The following CDX1 variants were observed in gnomAD, a reference collection of about 807,000 sequenced individuals.
CDX1 encodes the protein caudal type homeobox 1, also known as homeobox protein CDX-1.
A neutral mutation model predicts 16.9 loss-of-function variants in CDX1; 9 were observed. That is an observed-to-expected ratio of 0.53 (90% confidence interval 0.32 to 0.93). The LOEUF (loss-of-function observed/expected upper bound fraction) is 0.93, where lower values mean the gene tolerates loss of function less well. CDX1 is among the 40% of genes least tolerant of loss of function. The probability of loss-of-function intolerance (pLI) is 0.04; values close to 1 mark genes in which losing one functional copy is unlikely to be tolerated. For missense variants in CDX1, 393 were observed against 386.1 expected, an observed-to-expected ratio of 1.02 and a Z score of -0.15; for synonymous variants, 179 against 179.0, an observed-to-expected ratio of 1.00 and a Z score of 0.00.
rs1364319889 is a variant in CDX1, at chr5:150,184,234, G to A, written c.*554G>A. 1 of 152,256 alleles carries A rather than the reference G, an allele frequency of 6.6e-6. No individual in the cohort carries two copies. Among genetic ancestry groups the A allele is most frequent in the East Asian group, 1.9e-4 (1 of 5,194 alleles). The allele number at this position is 152,256 out of a possible 1,614,324, so 9.4% of individuals were successfully genotyped here. A position where few individuals can be genotyped will look rare whatever the true frequency, so the allele number is the denominator to read the frequency against. Reference sequence around the variant, plus strand: ...AAAGCCCATAGCACTGGGCTCTGATGGCTGCTCCACTGGGTTACAGAATCA... The same window carrying A: ...AAAGCCCATAGCACTGGGCTCTGATAGCTGCTCCACTGGGTTACAGAATCA... On this transcript the variant is annotated 3_prime_UTR_variant, in exon 3 of 3. Transcript: ENST00000231656.
rs1288509536 is a variant in CDX1, at chr5:150,184,180, G to A, written c.*500G>A. 1 of 152,632 alleles carries A rather than the reference G, an allele frequency of 6.6e-6. No homozygotes were observed. Among genetic ancestry groups the A allele is most frequent in the Non-Finnish European group, 1.5e-5 (1 of 68,360 alleles). 9.5% of individuals were successfully genotyped at this position (152,632 alleles called of 1,614,324 possible). On this transcript the variant is annotated 3_prime_UTR_variant, in exon 3 of 3. Transcript: ENST00000231656. ...TACCTGCCCCCATCATAAGGGCACT[G>A]AGCCCTTCCCAGGCTGGATACTAAG...
rs1273217028 is a variant in CDX1 at position 150,183,608 on chromosome 5, C to T, written c.726C>T (p.Gly242=). The part of the protein sequence containing the change: ...TATPAGPSLG[G]LCPSNTSLLA... ...CCCCAGCCGGGCCATCCCTGGGGGG[C>T]CTGTGTCCCAGCAACACCAGCCTCC... Residue 242 remains glycine, a synonymous_variant, in exon 3 of 3, where the codon GGC becomes GGT. Transcript: ENST00000231656. 5.0e-6 allele frequency: 8 copies of T among 1,609,126 alleles called. No individual in the cohort carries two copies. The highest frequency in any genetic ancestry group is 6.8e-6 in the Non-Finnish European group (8 of 1,176,876).
chr5:150,177,935 T>A (rs141309872), intron 1 of CDX1, among the ~76,000 whole-genome samples: 180 of 151,944 alleles, frequency 1.2e-3, no homozygotes, highest in African/African-American at 4.2e-3. Context: ...CAGAGAAGGG[T>A]GACAAGGTCT....
intron 1 of CDX1, among the ~76,000 whole-genome samples, chr5:150,181,202 C>T (rs377468859): frequency 2.0e-5 from 3 of 152,204 alleles, no homozygotes; most frequent in African/African-American, 7.2e-5. Flanking sequence ...TGCCCCACCT[C>T]GGGGCCTTTG....
chr5:150,176,143 G>A (rs527444335), intron 1 of CDX1, among the ~76,000 whole-genome samples: 2 of 152,188 alleles, frequency 1.3e-5, no homozygotes, highest in East Asian at 3.9e-4. Context: ...TACAATTTAG[G>A]CCCCTCACCA....
At chr5:150,177,760 G>T (rs988154660) in intron 1 of CDX1, among the ~76,000 whole-genome samples, 1 of 152,190 alleles carries the variant, frequency 6.6e-6, no homozygotes, top group Non-Finnish European at 1.5e-5. Flanking sequence ...GAGGTGGGGA[G>T]ACTGTCCTAG....
At chr5:150,171,923 G>A (rs768683587) in intron 1 of CDX1, among the ~76,000 whole-genome samples, 2 of 152,204 alleles carry the variant, frequency 1.3e-5, no homozygotes, top group African/African-American at 4.8e-5. Flanking sequence ...GTAAAGCACC[G>A]CCCTGCCGCT....
intron 1 of CDX1, among the ~76,000 whole-genome samples, chr5:150,168,176 C>T (rs546028887): frequency 3.9e-5 from 6 of 152,336 alleles, no homozygotes; most frequent in East Asian, 1.9e-4. Context: ...GGACTGTGTC[C>T]GGCCTGTCCT....
At position 150,166,950 on chromosome 5, in the gene CDX1, T is replaced by C; in HGVS notation, c.74T>C (p.Leu25Pro). ...PGPARPASLG[L>P]GPQAYGPPAP... Reference sequence around the variant, plus strand: ...CCAGCCAGGCCAGCCAGCCTCGGCCTGGGCCCGCAAGCCTACGGCCCCCCG... The same window carrying C: ...CCAGCCAGGCCAGCCAGCCTCGGCCCGGGCCCGCAAGCCTACGGCCCCCCG... The change falls in exon 1 of 3, where the codon CTG (leucine) becomes CCG (proline). Residue 25 changes from leucine to proline, a missense_variant. Transcript: ENST00000231656. 1 of 1,495,264 alleles carries C rather than the reference T, an allele frequency of 6.7e-7. No homozygotes were observed. Among genetic ancestry groups the C allele is most frequent in the Admixed American group, 2.3e-5 (1 of 44,010 alleles). The allele number at this position is 1,495,264 out of a possible 1,614,324, so 92.6% of individuals were successfully genotyped here.
At chr5:150,176,201 C>T (rs564182762) in intron 1 of CDX1, among the ~76,000 whole-genome samples, 8 of 152,334 alleles carry the variant, frequency 5.3e-5, no homozygotes, top group South Asian at 2.1e-4. Flanking sequence ...ACCCTTGCAG[C>T]GCTCCTACAA....
At chr5:150,172,587 C>T (rs1443750457) in intron 1 of CDX1, among the ~76,000 whole-genome samples, 1 of 152,134 alleles carries the variant, frequency 6.6e-6, no homozygotes, top group African/African-American at 2.4e-5. Flanking sequence ...AGCCTGAGAC[C>T]CCCCCTTCCC....
intron 1 of CDX1, among the ~76,000 whole-genome samples, chr5:150,167,708 C>T (rs1761450634): frequency 6.6e-6 from 1 of 152,266 alleles, no homozygotes; most frequent in African/African-American, 2.4e-5. Flanking sequence ...TAGGCAAAGG[C>T]GGCAGGTTCG....
At chr5:150,183,250 T>C (rs970513365) in intron 2 of CDX1, among the ~76,000 whole-genome samples, 1 of 151,640 alleles carries the variant, frequency 6.6e-6, no homozygotes, top group Admixed American at 6.6e-5. Flanking sequence ...CCTGGGAAGA[T>C]GGAGAGGGGG....
At chr5:150,167,754 G>A (rs1761451551) in intron 1 of CDX1, among the ~76,000 whole-genome samples, 1 of 152,234 alleles carries the variant, frequency 6.6e-6, no homozygotes, top group South Asian at 2.1e-4. Flanking sequence ...GTGTGAACAG[G>A]GCAGGTGACT....
At chr5:150,176,700 G>A (rs1761574165) in intron 1 of CDX1, among the ~76,000 whole-genome samples, 2 of 152,208 alleles carry the variant, frequency 1.3e-5, no homozygotes, top group Admixed American at 6.5e-5. Flanking sequence ...GAGGAGAGGA[G>A]GAACTAATTC....
Position 150,175,354 on chromosome 5 carries a change from G to A in CDX1, c.446-7414G>A, listed in dbSNP as rs143133246. 3.5e-4 allele frequency among the ~76,000 whole-genome samples: 54 copies of A among 152,298 alleles called. No individual in the cohort carries two copies. In the East Asian group the frequency reaches 8.9e-3, roughly 25 times the overall value. On this transcript the variant is annotated intron_variant, in intron 1 of 2. Transcript: ENST00000231656. ...CCCTTCCTCTTTGTTACCTCCCAAAGCTGGGTCAGATTGTGGACCTTGATG... is the reference window on the plus strand; with the variant it reads ...CCCTTCCTCTTTGTTACCTCCCAAAACTGGGTCAGATTGTGGACCTTGATG...
At chr5:150,170,933 G>T (rs150546350) in intron 1 of CDX1, among the ~76,000 whole-genome samples, 4 of 151,950 alleles carry the variant, frequency 2.6e-5, no homozygotes, top group Non-Finnish European at 4.4e-5. Context: ...GGATGGTTAC[G>T]CATCATCCTT....
chr5:150,173,128 CTT>C (rs914344191), intron 1 of CDX1, among the ~76,000 whole-genome samples: 1 of 152,210 alleles, frequency 6.6e-6, no homozygotes, highest in African/African-American at 2.4e-5. Flanking sequence ...CCATGGCTTC[CTT>C]TTGTTCTTGA....
chr5:150,171,370 A>G (rs1458167408), intron 1 of CDX1, among the ~76,000 whole-genome samples: 3 of 151,988 alleles, frequency 2.0e-5, no homozygotes, highest in Non-Finnish European at 2.9e-5. Context: ...GAATCTTGCT[A>G]TGTCACCCAC....
Sources: gnomAD v4.1 joint callset for allele counts (sites outside exome capture counted in the v4.1 genomes callset) on GRCh38, gnomAD v4.1.1 for gene constraint, MANE v1.5 for transcripts, NCBI Gene and HGNC (gene_info 2026-07-23, HGNC 2026-07-21) for gene names.